Variants in SLC30A3 observed in about 807,000 individuals in gnomAD.
SLC30A3 encodes solute carrier family 30 member 3.
Under a neutral mutation model 35.6 loss-of-function variants are expected in SLC30A3, and 20 were observed. The observed-to-expected ratio is 0.56, with a 90% confidence interval of 0.39 to 0.82. The LOEUF (loss-of-function observed/expected upper bound fraction) is 0.82. SLC30A3 is among the 40% of genes least tolerant of loss of function. The probability of loss-of-function intolerance (pLI) is 0.00; values close to 1 mark genes in which losing one functional copy is unlikely to be tolerated. For synonymous variants in SLC30A3, 217 were observed against 224.7 expected, an observed-to-expected ratio of 0.97 and a Z score of 0.31; for missense variants, 401 against 530.6, an observed-to-expected ratio of 0.76 and a Z score of 2.40.
In SLC30A3 at chr2:27,257,397, C is replaced by T; in HGVS notation, c.579-45G>A. On this transcript the variant is annotated intron_variant, in intron 4 of 7. Coordinates refer to ENST00000233535, the MANE Select transcript of SLC30A3 (RefSeq NM_003459.5). The surrounding 1 kb of genome is among the most constrained non-coding windows in gnomAD (Gnocchi z 4.7). Reference sequence around the variant, plus strand: ...CCTCAGCCTAGGGCCCTGCTCCTGGCCTCCTATACCCCCATCTCCATGTCT... The same window carrying T: ...CCTCAGCCTAGGGCCCTGCTCCTGGTCTCCTATACCCCCATCTCCATGTCT... 2 of 1,535,778 alleles carry T rather than the reference C, an allele frequency of 1.3e-6. No homozygotes were observed. Among genetic ancestry groups the T allele is most frequent in the Middle Eastern group, 3.4e-4 (2 of 5,946 alleles).
Position 27,262,947 on chromosome 2 carries a change from G to C in SLC30A3, c.-41C>G. 1 of 1,490,784 alleles carries C rather than the reference G, an allele frequency of 6.7e-7. No homozygotes were observed. The highest frequency in any genetic ancestry group is 8.8e-7 in the Non-Finnish European group (1 of 1,131,274). The allele number at this position is 1,490,784 out of a possible 1,614,324, so 92.3% of individuals were successfully genotyped here. On this transcript the variant is annotated 5_prime_UTR_variant, in exon 1 of 8. Coordinates refer to ENST00000233535, the MANE Select transcript of SLC30A3 (RefSeq NM_003459.5). The surrounding 1 kb of genome is among the most constrained non-coding windows in gnomAD (Gnocchi z 7.5). ...ACCGTCTAGGCCCCACCGAGGAAGA[G>C]AGAGGCCGGGCCGGCCCCGCGCCAA...
At chr2:27,264,623 GC>G (rs1677408850), upstream of SLC30A3, among the ~76,000 whole-genome samples, 1 of 152,216 alleles carries the variant, frequency 6.6e-6, no homozygotes, top group Non-Finnish European at 1.5e-5. This position sits in a 1 kb window ranked among gnomAD's most constrained non-coding sequence, Gnocchi z 6.1. Flanking sequence ...ACCCCCGGCT[GC>G]GCCAGCCTCT....
At chr2:27,275,492 T>C, upstream of SLC30A3, 1 of 331,430 alleles carries the variant, frequency 3.0e-6, no homozygotes, top group Non-Finnish European at 6.0e-6. Flanking sequence ...ACCCGGCCGG[T>C]GTGAAGTTTC....
rs755963887 is a variant in SLC30A3, at chr2:27,257,109, G to A, written c.777+45C>T. ...GACCTGGGAAGGAGTGGGCTGGGAT[G>A]TGGTTGTGGGGAGGAAGGCTGGGGC... On this transcript the variant is annotated intron_variant, in intron 5 of 7. Coordinates refer to ENST00000233535, the MANE Select transcript of SLC30A3 (RefSeq NM_003459.5). This position sits in a 1 kb window ranked among gnomAD's most constrained non-coding sequence, Gnocchi z 4.7. The A allele has an allele frequency of 3.2e-6, 5 of 1,577,978 alleles. No homozygotes were observed. In the South Asian group the frequency reaches 3.3e-5, roughly 10 times the overall value.
At position 27,256,440 on chromosome 2, in the gene SLC30A3, G is replaced by A. The variant is rs1028717452; in HGVS notation, c.964C>T (p.His322Tyr). 2.5e-6 allele frequency: 4 copies of A among 1,614,126 alleles called. No homozygotes were observed. The highest frequency in any genetic ancestry group is 3.3e-5 in the Admixed American group (2 of 60,022). Residue 322 changes from histidine to tyrosine, a missense_variant, in exon 7 of 8, where the codon CAC becomes TAC. His to Tyr is a moderately conservative substitution (Grantham distance 83). Coordinates refer to ENST00000233535, the MANE Select transcript of SLC30A3 (RefSeq NM_003459.5). ...VPGVRATHEL[H>Y]LWALTLTYHV... ...TAAGTGAGCGTAAGGGCCCACAGGT[G>A]CAGCTCATGGGTTGCCCGGACTCCT...
At chr2:27,259,631 G>A (rs1677072762) in intron 1 of SLC30A3, among the ~76,000 whole-genome samples, 1 of 152,190 alleles carries the variant, frequency 6.6e-6, no homozygotes, top group East Asian at 1.9e-4. Flanking sequence ...GGGATTATAG[G>A]TGTGAGCCAC....
chr2:27,255,614 G>C lies in SLC30A3; in HGVS notation c.1019-154C>G, dbSNP rs1391244825. On this transcript the variant is annotated intron_variant, in intron 7 of 7. Transcript: ENST00000233535. This position sits in a 1 kb window ranked among gnomAD's most constrained non-coding sequence, Gnocchi z 5.2. Reference sequence around the variant, plus strand: ...TGTATTGTATGAACAGCATAAAAGTGTCAAATCAAATGTTGGAGAGACTCA... The same window carrying C: ...TGTATTGTATGAACAGCATAAAAGTCTCAAATCAAATGTTGGAGAGACTCA... 5.0e-6 allele frequency: 4 copies of C among 796,504 alleles called. No individual in the cohort carries two copies. Among genetic ancestry groups the C allele is most frequent in the Non-Finnish European group, 5.9e-6 (3 of 506,426 alleles). 49.3% of individuals were successfully genotyped at this position (796,504 alleles called of 1,614,324 possible).
upstream of SLC30A3, chr2:27,263,329 A>G (rs1312147500): frequency 2.1e-6 from 1 of 468,878 alleles, no homozygotes; most frequent in Admixed American, 2.4e-5. Context: ...CTGAAGCCCA[A>G]GAACCTCACG....
Position 27,254,968 on chromosome 2 carries a change from C to G in SLC30A3, c.*344G>C. 1 of 893,690 alleles carries G rather than the reference C, an allele frequency of 1.1e-6. No homozygotes were observed. The highest frequency in any genetic ancestry group is 1.5e-6 in the Non-Finnish European group (1 of 664,810). 55.4% of individuals were successfully genotyped at this position (893,690 alleles called of 1,614,324 possible). A position where few individuals can be genotyped will look rare whatever the true frequency, so the allele number is the denominator to read the frequency against. ...GCCCCCAGCCAGCCAGCCTGCCACA[C>G]AGACAAATGGACTGCAGGGAAAGGA... is the stretch of plus-strand genomic sequence containing the variant. On this transcript the variant is annotated 3_prime_UTR_variant, in exon 8 of 8. Coordinates refer to ENST00000233535, the MANE Select transcript of SLC30A3 (RefSeq NM_003459.5).
At chr2:27,259,926 T>A (rs1677092570) in intron 1 of SLC30A3, among the ~76,000 whole-genome samples, 1 of 152,112 alleles carries the variant, frequency 6.6e-6, no homozygotes, top group African/African-American at 2.4e-5. Flanking sequence ...AGGGCCAGAC[T>A]AATTATAACG....
chr2:27,258,802 T>C lies in SLC30A3; in HGVS notation c.228A>G (p.Leu76=), dbSNP rs1330888365. The C allele has an allele frequency of 6.2e-7, 1 of 1,614,188 alleles. No individual in the cohort carries two copies. The highest frequency in any genetic ancestry group is 8.5e-7 in the Non-Finnish European group (1 of 1,179,996). ...TPERLHARRQ[L]YAACAVCFVF... The stretch of plus-strand genomic sequence containing the variant: ...CAAAGCAAACGGCACAGGCAGCATA[T>C]AGCTGCCTCCGTGCATGCAGCCTCT... Residue 76 remains leucine (L), a synonymous_variant, in exon 2 of 8, where the codon CTA becomes CTG. Coordinates refer to ENST00000233535, the MANE Select transcript of SLC30A3 (RefSeq NM_003459.5). The surrounding 1 kb of genome is among the most constrained non-coding windows in gnomAD (Gnocchi z 4.0).
chr2:27,262,707 T>G lies in SLC30A3; in HGVS notation c.95+105A>C. On this transcript the variant is annotated intron_variant, in intron 1 of 7. Transcript: ENST00000233535. This position sits in a 1 kb window ranked among gnomAD's most constrained non-coding sequence, Gnocchi z 7.5. ...GTGCAGCGGAGCGAGGGACCCGCGG[T>G]GCGCTGGGGCGGCCGCCGGGGCCCG... The G allele has an allele frequency of 1.8e-6, 2 of 1,129,090 alleles. No individual in the cohort carries two copies. The highest frequency in any genetic ancestry group is 2.4e-6 in the Non-Finnish European group (2 of 835,146). The allele number at this position is 1,129,090 out of a possible 1,614,324, so 69.9% of individuals were successfully genotyped here.
rs1002790051 is a variant in SLC30A3, at chr2:27,257,812, G to A, written c.578+93C>T. ...GAGAGCTGTGTGTGCGTGTCTGTGT[G>A]TCTGGTGGGGAGGAGAGAGCCAGCT... is the stretch of plus-strand genomic sequence containing the variant. On this transcript the variant is annotated intron_variant, in intron 4 of 7. Coordinates refer to ENST00000233535, the MANE Select transcript of SLC30A3 (RefSeq NM_003459.5). This position sits in a 1 kb window ranked among gnomAD's most constrained non-coding sequence, Gnocchi z 4.7. 3.6e-5 allele frequency: 46 copies of A among 1,276,030 alleles called. No individual in the cohort carries two copies. In the Admixed American group the frequency reaches 9.4e-4, roughly 26 times the overall value. 79.0% of individuals were successfully genotyped at this position (1,276,030 alleles called of 1,614,324 possible). A position where few individuals can be genotyped will look rare whatever the true frequency, so the allele number is the denominator to read the frequency against.
At chr2:27,268,368 C>G (rs891291875) in intron 1 of SLC30A3, among the ~76,000 whole-genome samples, 2 of 152,196 alleles carry the variant, frequency 1.3e-5, no homozygotes, top group Non-Finnish European at 2.9e-5. Context: ...AGGAAAAGAA[C>G]AGTTTATGTG....
chr2:27,257,788 A>C lies in SLC30A3; in HGVS notation c.578+117T>G. Reference sequence around the variant, plus strand: ...CAGGCACACGCAGGGCAGCCCATGGAGAGCTGTGTGTGCGTGTCTGTGTGT... The same window carrying C: ...CAGGCACACGCAGGGCAGCCCATGGCGAGCTGTGTGTGCGTGTCTGTGTGT... On this transcript the variant is annotated intron_variant, in intron 4 of 7. Transcript: ENST00000233535. This position sits in a 1 kb window ranked among gnomAD's most constrained non-coding sequence, Gnocchi z 4.7. The C allele has an allele frequency of 8.7e-6, 9 of 1,030,828 alleles. No homozygotes were observed. The highest frequency in any genetic ancestry group is 1.1e-5 in the Non-Finnish European group (8 of 696,670). 63.9% of individuals were successfully genotyped at this position (1,030,828 alleles called of 1,614,324 possible). A position where few individuals can be genotyped will look rare whatever the true frequency, so the allele number is the denominator to read the frequency against.
chr2:27,259,502 AAAAG>A (rs964472897), intron 1 of SLC30A3, among the ~76,000 whole-genome samples: 3 of 151,632 alleles, frequency 2.0e-5, no homozygotes, highest in Non-Finnish European at 4.4e-5. Context: ...AAAAAAAAAA[AAAAG>A]AGATGGGGTC....
intron 1 of SLC30A3, among the ~76,000 whole-genome samples, chr2:27,259,597 C>T (rs115480486): frequency 0.014 from 2,141 of 152,286 alleles, 53 homozygotes; most frequent in African/African-American, 0.048. Context: ...AAGCGATCCT[C>T]CTACCTCAGC....
chr2:27,256,978 G>A (rs1487681150), intron 5 of SLC30A3, 85 bp from the exon 6 acceptor site: 1 of 1,159,412 alleles, frequency 8.6e-7, no homozygotes, highest in African/African-American at 1.6e-5. Context: ...CATGACCTGA[G>A]AGGCCCCTCA....
intron 1 of SLC30A3, among the ~76,000 whole-genome samples, chr2:27,272,803 G>A (rs1421856314): frequency 1.3e-5 from 2 of 151,642 alleles, no homozygotes; most frequent in South Asian, 2.1e-4. Flanking sequence ...TGTAATCCCT[G>A]CACTTTTGGA....
Sources: gnomAD v4.1 joint callset for allele counts (sites outside exome capture counted in the v4.1 genomes callset) on GRCh38, gnomAD v4.1.1 for gene constraint, Gnocchi (gnomAD v3.1) non-coding constraint, MANE v1.5 for transcripts, NCBI Gene and HGNC (gene_info 2026-07-23, HGNC 2026-07-21) for gene names.